The following PPARGC1A variants were observed in gnomAD, a reference collection of about 807,000 sequenced individuals.
The protein encoded by PPARGC1A is PPARG coactivator 1 alpha, also known as peroxisome proliferator-activated receptor gamma coactivator 1-alpha.
Under a neutral mutation model 88.7 loss-of-function variants are expected in PPARGC1A, and 25 were observed. That is an observed-to-expected ratio of 0.28 (90% confidence interval 0.21 to 0.39). The LOEUF is 0.39. Among genes scored for constraint, PPARGC1A ranks in the 10% least tolerant of loss-of-function variants. The pLI is 1.00. For missense variants in PPARGC1A, 880 were observed against 968.7 expected, an observed-to-expected ratio of 0.91 and a Z score of 1.22; for synonymous variants, 363 against 355.6, an observed-to-expected ratio of 1.02 and a Z score of -0.24.
At chr4:24,334,978 A>G in the PPARGC1A span, among the ~76,000 whole-genome samples, 1 of 152,230 alleles carries the variant, frequency 6.6e-6, no homozygotes, top group African/African-American at 2.4e-5. Flanking sequence ...CTTAAATATT[A>G]GTTTCAAGAA....
chr4:24,157,331 A>T, the PPARGC1A span, among the ~76,000 whole-genome samples: 1 of 152,144 alleles, frequency 6.6e-6, no homozygotes, highest in Admixed American at 6.6e-5. Flanking sequence ...TCGATCTGCA[A>T]AGCTCTTCAT....
At chr4:23,950,082 T>G in the PPARGC1A span, among the ~76,000 whole-genome samples, 5 of 152,150 alleles carry the variant, frequency 3.3e-5, no homozygotes, top group Non-Finnish European at 5.9e-5. Flanking sequence ...GGAAATAGCC[T>G]AATCTCAAAA....
the PPARGC1A span, among the ~76,000 whole-genome samples, chr4:24,195,539 G>A: frequency 1.3e-5 from 2 of 152,152 alleles, no homozygotes; most frequent in African/African-American, 4.8e-5. Context: ...ATTTGGGAAG[G>A]TAAATACTCG....
chr4:23,835,734 TAGAAAACTGGGA>T (rs1344296210), intron 2 of PPARGC1A, among the ~76,000 whole-genome samples: 1 of 152,220 alleles, frequency 6.6e-6, no homozygotes, highest in Non-Finnish European at 1.5e-5. Flanking sequence ...TCTTTAATCA[TAGAAAACTGGGA>T]AGAAAACTTG....
Position 23,884,921 on chromosome 4 carries a change from A to G in PPARGC1A, c.65T>C (p.Leu22Pro), listed in dbSNP as rs1716602667. Residue 22 changes from leucine to proline, a missense_variant, in exon 2 of 13, where the codon CTG becomes CCG. Physicochemically the swap from Leu to Pro is moderately conservative, Grantham distance 98. Coordinates refer to ENST00000264867, the MANE Select transcript of PPARGC1A (RefSeq NM_013261.5). The stretch of plus-strand genomic sequence containing the variant: ...GCAAAGAGGCTGGTCTTCACCAACC[A>G]GAGCAGCACACTGCAGGAGGCAGAA... ...SVWSDIECAALVGEDQPLCPD... is the reference protein window; with the variant it reads ...SVWSDIECAAPVGEDQPLCPD... The G allele has an allele frequency of 1.2e-6, 2 of 1,604,900 alleles. No individual in the cohort carries two copies. The highest frequency in any genetic ancestry group is 1.7e-6 in the Non-Finnish European group (2 of 1,175,788).
chr4:24,018,101 A>G, the PPARGC1A span, among the ~76,000 whole-genome samples: 1 of 152,326 alleles, frequency 6.6e-6, no homozygotes, highest in Middle Eastern at 3.4e-3. Context: ...TCCATTTATG[A>G]AGAAAATTAA....
At chr4:23,931,341 G>GA in the PPARGC1A span, among the ~76,000 whole-genome samples, 5 of 149,120 alleles carry the variant, frequency 3.4e-5, no homozygotes, top group South Asian at 2.1e-4. Context: ...AAGGAAGGAG[G>GA]AAAAAAAAAG....
At chr4:24,324,071 G>A in the PPARGC1A span, among the ~76,000 whole-genome samples, 1 of 152,174 alleles carries the variant, frequency 6.6e-6, no homozygotes, top group Non-Finnish European at 1.5e-5. Flanking sequence ...CTTTCCCTTG[G>A]TGTTTAATCA....
chr4:24,231,010 A>T, the PPARGC1A span, among the ~76,000 whole-genome samples: 1 of 151,878 alleles, frequency 6.6e-6, no homozygotes, highest in Non-Finnish European at 1.5e-5. Context: ...CAGGAATGGC[A>T]TCACTACAAC....
At chr4:24,065,588 G>A in the PPARGC1A span, among the ~76,000 whole-genome samples, 1 of 152,100 alleles carries the variant, frequency 6.6e-6, no homozygotes, top group African/African-American at 2.4e-5. Flanking sequence ...ATTGAGAATG[G>A]CCCTCTGTCT....
At chr4:24,318,667 C>G in the PPARGC1A span, among the ~76,000 whole-genome samples, 1 of 152,206 alleles carries the variant, frequency 6.6e-6, no homozygotes, top group East Asian at 1.9e-4. Context: ...ACCAGGCTAT[C>G]GCCTAAATCA....
the PPARGC1A span, among the ~76,000 whole-genome samples, chr4:24,438,618 T>C: frequency 6.6e-6 from 1 of 152,212 alleles, no homozygotes; most frequent in East Asian, 1.9e-4. Flanking sequence ...CTGTTTGCGA[T>C]GTGTTTTGGC....
chr4:24,041,294 CT>C, the PPARGC1A span, among the ~76,000 whole-genome samples: 1 of 152,166 alleles, frequency 6.6e-6, no homozygotes, highest in Non-Finnish European at 1.5e-5. Flanking sequence ...CAACTCCTCC[CT>C]GCTGGGCACA....
intron 2 of PPARGC1A, among the ~76,000 whole-genome samples, chr4:23,858,534 A>C (rs79291648): frequency 6.6e-6 from 1 of 152,218 alleles, no homozygotes; most frequent in Non-Finnish European, 1.5e-5. Flanking sequence ...CTTGGGATAC[A>C]AAGAGAAGAG....
the PPARGC1A span, among the ~76,000 whole-genome samples, chr4:24,095,415 C>T: frequency 2.6e-5 from 4 of 152,238 alleles, no homozygotes; most frequent in Admixed American, 2.0e-4. Flanking sequence ...TAAGCCACCA[C>T]ACCCGGCCAG....
At chr4:23,808,382 C>A (rs1720265637) in intron 10 of PPARGC1A, among the ~76,000 whole-genome samples, 1 of 152,034 alleles carries the variant, frequency 6.6e-6, no homozygotes, top group Non-Finnish European at 1.5e-5. Context: ...AGAAGTGAAG[C>A]AGCAGTCATT....
In PPARGC1A at chr4:23,823,403, C is replaced by T. The variant is rs367958106; in HGVS notation, c.877+877G>A. 1.2e-4 allele frequency among the ~76,000 whole-genome samples: 18 copies of T among 152,038 alleles called. No homozygotes were observed. In the East Asian group the frequency reaches 2.5e-3, roughly 21 times the overall value. ...AGCTTAAGGTAAAGATCTCCATCTT[C>T]TACCAAAACTGTAATATTTGAATGT... On this transcript the variant is annotated intron_variant, in intron 7 of 12. Coordinates refer to ENST00000264867, the MANE Select transcript of PPARGC1A (RefSeq NM_013261.5).
chr4:24,234,152 GGCA>G, the PPARGC1A span, among the ~76,000 whole-genome samples: 121 of 152,242 alleles, frequency 7.9e-4, no homozygotes, highest in African/African-American at 2.8e-3. Flanking sequence ...AAGCACAATG[GGCA>G]GATTTGGATT....
At chr4:24,438,046 G>A in the PPARGC1A span, among the ~76,000 whole-genome samples, 2 of 152,244 alleles carry the variant, frequency 1.3e-5, no homozygotes, top group South Asian at 2.1e-4. Context: ...GCAAGGAGCA[G>A]CACAGGAGGG....
Sources: allele counts gnomAD v4.1 joint callset (sites outside exome capture counted in the v4.1 genomes callset), GRCh38; gene constraint gnomAD v4.1.1; transcripts MANE v1.5; gene names NCBI Gene and HGNC (gene_info 2026-07-23, HGNC 2026-07-21).